The following ASB4 variants were observed in gnomAD, a reference collection of about 807,000 sequenced individuals.
The protein encoded by ASB4 is ankyrin repeat and SOCS box protein 4.
A neutral mutation model predicts 38.6 loss-of-function variants in ASB4; 35 were observed. That is an observed-to-expected ratio of 0.91 (90% CI 0.69 to 1.20). The LOEUF (loss-of-function observed/expected upper bound fraction) is 1.20. Ranked by LOEUF, ASB4 falls within the 50% of genes most tolerant of loss-of-function variation. The pLI is 0.00. For synonymous variants in ASB4, 195 were observed against 201.3 expected (o/e 0.97, Z 0.26); for missense variants, 557 against 527.2 (o/e 1.06, Z -0.55).
At chr7:95,493,215 A>G (rs1167932441) in intron 1 of ASB4, among the ~76,000 whole-genome samples, 3 of 152,204 alleles carry the variant, frequency 2.0e-5, no homozygotes, top group Non-Finnish European at 4.4e-5. Flanking sequence ...CAGAGTGATC[A>G]TACTTTAAAC....
chr7:95,496,912 G>T (rs1790258086), intron 2 of ASB4, among the ~76,000 whole-genome samples: 1 of 152,038 alleles, frequency 6.6e-6, no homozygotes, highest in African/African-American at 2.4e-5. Context: ...CATTAAAAAA[G>T]AACGCCGAGA....
At chr7:95,507,805 G>A (rs1176427315) in intron 2 of ASB4, among the ~76,000 whole-genome samples, 1 of 152,162 alleles carries the variant, frequency 6.6e-6, no homozygotes, top group African/African-American at 2.4e-5. Flanking sequence ...AGTATGTCAG[G>A]AAGGAGGGAG....
Position 95,492,334 on chromosome 7 carries a change from A to G in ASB4, c.188-3424A>G, listed in dbSNP as rs114494186. ...AAATTCAACTAGCAAATGCATTTCC[A>G]TATCAGAGATGTGAAATATTACAGA... On this transcript the variant is annotated intron_variant, in intron 1 of 4. Transcript: ENST00000325885. 5.6e-3 allele frequency among the ~76,000 whole-genome samples: 850 copies of G among 152,352 alleles called. 9 individuals are homozygous for G. Among genetic ancestry groups the G allele is most frequent in the African/African-American group, 0.019 (789 of 41,578 alleles).
rs112769333 is a variant in ASB4 at position 95,497,625 on chromosome 7, T to G, written c.487+1568T>G. ...TACAATTTAACATTTTGAGAAATAT[T>G]GTTTTTGTGAAACTATCATGCCAAT... is the stretch of plus-strand genomic sequence containing the variant. On this transcript the variant is annotated intron_variant, in intron 2 of 4. Coordinates refer to ENST00000325885, the MANE Select transcript of ASB4 (RefSeq NM_016116.3). 4.9e-3 allele frequency among the ~76,000 whole-genome samples: 739 copies of G among 152,346 alleles called. 3 individuals are homozygous for G. The highest frequency in any genetic ancestry group is 0.016 in the African/African-American group (683 of 41,568).
intron 3 of ASB4, among the ~76,000 whole-genome samples, chr7:95,534,819 T>C (rs761306107): frequency 6.6e-6 from 1 of 152,220 alleles, no homozygotes. Context: ...GTCATAGTAC[T>C]AAACCCAGTG....
At chr7:95,522,725 G>A (rs1010353647) in intron 2 of ASB4, among the ~76,000 whole-genome samples, 3 of 152,146 alleles carry the variant, frequency 2.0e-5, no homozygotes, top group African/African-American at 7.2e-5. Flanking sequence ...CATCTTCTCT[G>A]CTGAAATTCT....
At chr7:95,519,748 T>C (rs10247338) in intron 2 of ASB4, among the ~76,000 whole-genome samples, 22,106 of 152,136 alleles carry the variant, frequency 0.15, 1,720 homozygotes, top group South Asian at 0.19. Context: ...AAAAGTGTAA[T>C]TTTTTAAGGT....
downstream of ASB4, among the ~76,000 whole-genome samples, chr7:95,541,150 T>G (rs535320989): frequency 9.6e-4 from 146 of 152,278 alleles, no homozygotes; most frequent in African/African-American, 3.1e-3. Context: ...ATGCTCTCTG[T>G]CTGGGTCCCC....
chr7:95,530,235 C>T (rs1790801586), intron 3 of ASB4, among the ~76,000 whole-genome samples: 1 of 151,110 alleles, frequency 6.6e-6, no homozygotes, highest in South Asian at 2.1e-4. Flanking sequence ...CTGAGGCGGG[C>T]GGATTGCTTG....
intron 2 of ASB4, among the ~76,000 whole-genome samples, chr7:95,515,611 TC>T (rs750589877): frequency 1.3e-5 from 2 of 152,058 alleles, no homozygotes; most frequent in African/African-American, 2.4e-5. Flanking sequence ...AGACGGGGTT[TC>T]CCCATGTTGA....
chr7:95,493,148 A>G (rs1790196596), intron 1 of ASB4, among the ~76,000 whole-genome samples: 1 of 152,204 alleles, frequency 6.6e-6, no homozygotes, highest in African/African-American at 2.4e-5. Context: ...AAAGTAATAT[A>G]TTAGAATTTA....
chr7:95,474,526 T>C (rs535405783), upstream of ASB4, among the ~76,000 whole-genome samples: 11 of 152,326 alleles, frequency 7.2e-5, no homozygotes, highest in Non-Finnish European at 1.5e-4. Flanking sequence ...AACTTAGTTT[T>C]TGTTTTTCTT....
At chr7:95,489,584 T>C (rs1790141193) in intron 1 of ASB4, among the ~76,000 whole-genome samples, 1 of 152,236 alleles carries the variant, frequency 6.6e-6, no homozygotes, top group Non-Finnish European at 1.5e-5. Context: ...ACATTTAAAA[T>C]GTGCTGGTTG....
the ASB4 span, among the ~76,000 whole-genome samples, chr7:95,549,860 T>C: frequency 2.9e-4 from 44 of 152,228 alleles, no homozygotes; most frequent in African/African-American, 1.0e-3. Context: ...TCTGCTCAAA[T>C]TTCACTCTTC....
At chr7:95,472,311 G>A in the ASB4 span, among the ~76,000 whole-genome samples, 49 of 152,288 alleles carry the variant, frequency 3.2e-4, 1 homozygote, top group South Asian at 2.1e-4. Flanking sequence ...TGTTCAGAAT[G>A]ACCAGATGCT....
chr7:95,475,834 C>T (rs1214102040), upstream of ASB4, among the ~76,000 whole-genome samples: 1 of 152,228 alleles, frequency 6.6e-6, no homozygotes, highest in Non-Finnish European at 1.5e-5. Context: ...TCTCCCCCAT[C>T]TCTAATCCTT....
chr7:95,528,017 A>C lies in ASB4; in HGVS notation c.692A>C (p.His231Pro). 6.2e-7 allele frequency: 1 copy of C among 1,614,076 alleles called. No homozygotes were observed. The highest frequency in any genetic ancestry group is 8.5e-7 in the Non-Finnish European group (1 of 1,180,024). ...RFKEQEYSTEHHLVCRMLLDY... is the reference protein window; with the variant it reads ...RFKEQEYSTEPHLVCRMLLDY... ...AAGGAGCAGGAGTACAGCACGGAGC[A>C]CCACCTGGTCTGCCGCATGCTGCTT... The change falls in exon 3 of 5, where the codon CAC becomes CCC. Residue 231 changes from histidine to proline, a missense_variant. Physicochemically the swap from His to Pro is moderately conservative, Grantham distance 77. Transcript: ENST00000325885.
At chr7:95,478,187 G>T (rs1789994221), upstream of ASB4, among the ~76,000 whole-genome samples, 1 of 152,138 alleles carries the variant, frequency 6.6e-6, no homozygotes, top group Admixed American at 6.5e-5. Flanking sequence ...GGATGCAAAT[G>T]CTGCCTGGAG....
intron 2 of ASB4, among the ~76,000 whole-genome samples, chr7:95,520,952 C>T (rs1250694406): frequency 6.6e-6 from 1 of 152,028 alleles, no homozygotes; most frequent in Admixed American, 6.6e-5. Flanking sequence ...ATTTCTTTCT[C>T]ATTCTTTTTA....
Sources: gnomAD v4.1 joint callset for allele counts (sites outside exome capture counted in the v4.1 genomes callset) on GRCh38, gnomAD v4.1.1 for gene constraint, MANE v1.5 for transcripts, NCBI Gene and HGNC (gene_info 2026-07-23, HGNC 2026-07-21) for gene names.